The following CCDC7 variants were observed in gnomAD, a reference collection of about 807,000 sequenced individuals.
CCDC7 encodes coiled-coil domain-containing protein 7.
In CCDC7, 183 loss-of-function variants were observed where a neutral mutation model predicts 196.9. The ratio of observed to expected loss-of-function variants is 0.93; its 90% confidence interval spans 0.82 to 1.05. The LOEUF (loss-of-function observed/expected upper bound fraction) is 1.05. CCDC7 is among the 50% of genes least tolerant of loss of function. The pLI, the probability that CCDC7 is intolerant of heterozygous loss-of-function variation, is 0.00. For synonymous variants in CCDC7, 525 were observed against 484.6 expected (o/e 1.08, Z -1.10); for missense variants, 1,540 against 1,482.2 (o/e 1.04, Z -0.64).
intron 41 of CCDC7, among the ~76,000 whole-genome samples, chr10:32,860,778 A>G (rs1300476771): frequency 6.6e-6 from 1 of 152,176 alleles, no homozygotes; most frequent in African/African-American, 2.4e-5. Flanking sequence ...TAACAAACAG[A>G]GAGCCAAATC....
intron 8 of CCDC7, among the ~76,000 whole-genome samples, chr10:32,475,046 G>A (rs2038713244): frequency 6.6e-6 from 1 of 152,148 alleles, no homozygotes; most frequent in Admixed American, 6.5e-5. Flanking sequence ...GGGTAGAAAG[G>A]TATATAGAAC....
Position 32,724,361 on chromosome 10 carries a change from A to G in CCDC7, c.2570-2373A>G, listed in dbSNP as rs1234122115. Among the ~76,000 whole-genome samples, 5 of 152,208 alleles carry G rather than the reference A, an allele frequency of 3.3e-5. No individual in the cohort carries two copies. The East Asian group carries it at 9.7e-4, about 29-fold the overall frequency. On this transcript the variant is annotated intron_variant, in intron 25 of 41. Coordinates refer to ENST00000639629, the Ensembl canonical transcript of CCDC7. ...ACTGGTCAACTCTGCTCACTGCACC[A>G]CTTTGTCAGAGAGAGAGCTGCCAGT...
chr10:32,752,632 A>T (rs11009064), intron 28 of CCDC7, among the ~76,000 whole-genome samples: 21,063 of 152,176 alleles, frequency 0.14, 1,767 homozygotes, highest in East Asian at 0.25. Context: ...CTAGTACAAA[A>T]ATTGGGAAAA....
chr10:32,643,437 T>G (rs1247530457), intron 20 of CCDC7, among the ~76,000 whole-genome samples: 1 of 152,126 alleles, frequency 6.6e-6, no homozygotes, highest in Non-Finnish European at 1.5e-5. Context: ...TAGATTTTTT[T>G]TTGTTTACAA....
intron 28 of CCDC7, among the ~76,000 whole-genome samples, chr10:32,758,500 C>A (rs1186328833): frequency 6.6e-6 from 1 of 152,160 alleles, no homozygotes; most frequent in Non-Finnish European, 1.5e-5. Context: ...ACAAAAACCA[C>A]ATGATTATCT....
At chr10:32,862,386 G>A (rs1442691510) in intron 41 of CCDC7, among the ~76,000 whole-genome samples, 1 of 150,866 alleles carries the variant, frequency 6.6e-6, no homozygotes, top group Admixed American at 6.6e-5. Flanking sequence ...TGGACACAGG[G>A]AGGGGAACAT....
At chr10:32,624,554 G>C (rs2063763733) in intron 18 of CCDC7, among the ~76,000 whole-genome samples, 1 of 152,150 alleles carries the variant, frequency 6.6e-6, no homozygotes, top group African/African-American at 2.4e-5. Context: ...TAATATAACT[G>C]TTGTTTATGT....
At position 32,654,827 on chromosome 10, in the gene CCDC7, C is replaced by A. The variant is rs572126104; in HGVS notation, c.2015-9227C>A. 3.3e-4 allele frequency among the ~76,000 whole-genome samples: 51 copies of A among 152,288 alleles called. 1 individual carries two copies. Among genetic ancestry groups the A allele is most frequent in the African/African-American group, 1.2e-3 (50 of 41,554 alleles). On this transcript the variant is annotated intron_variant, in intron 20 of 41. Coordinates refer to ENST00000639629, the Ensembl canonical transcript of CCDC7. ...GCACAGCCCTACATATGTGTTTTGT[C>A]TATTAGATTCCCTGATACATGTTAG...
chr10:32,793,982 G>C (rs578103191), intron 29 of CCDC7, among the ~76,000 whole-genome samples: 24 of 152,066 alleles, frequency 1.6e-4, no homozygotes, highest in Non-Finnish European at 2.9e-4. Flanking sequence ...TTTATATTAG[G>C]TTCAGGGTAT....
intron 32 of CCDC7, 80 bp from the exon 34 acceptor site, chr10:32,834,734 AT>A: frequency 1.7e-6 from 1 of 586,858 alleles, no homozygotes; most frequent in Non-Finnish European, 3.1e-6. Flanking sequence ...ACATACAAAT[AT>A]ACTATCACAT....
At chr10:32,587,872 G>A (rs1359893729) in intron 18 of CCDC7, among the ~76,000 whole-genome samples, 1 of 152,106 alleles carries the variant, frequency 6.6e-6, no homozygotes, top group Non-Finnish European at 1.5e-5. Flanking sequence ...ATTGGATATT[G>A]TTATGGTTTG....
intron 8 of CCDC7, among the ~76,000 whole-genome samples, chr10:32,475,329 A>G (rs970692252): frequency 2.0e-5 from 3 of 152,172 alleles, no homozygotes; most frequent in African/African-American, 7.2e-5. Flanking sequence ...TTCCATATGT[A>G]CTGCATTCAC....
At chr10:32,469,417 A>G (rs1009302771) in intron 5 of CCDC7, among the ~76,000 whole-genome samples, 6 of 152,208 alleles carry the variant, frequency 3.9e-5, no homozygotes, top group Non-Finnish European at 8.8e-5. Flanking sequence ...ACTTCTGAAG[A>G]GGGAGCAGCT....
chr10:32,804,337 C>T (rs900933413), intron 29 of CCDC7, among the ~76,000 whole-genome samples: 3 of 152,086 alleles, frequency 2.0e-5, no homozygotes, highest in African/African-American at 7.2e-5. Context: ...TGGAAAAGTA[C>T]CCAATTTTAC....
chr10:32,667,522 A>T (rs976495492), intron 21 of CCDC7, among the ~76,000 whole-genome samples: 1 of 152,174 alleles, frequency 6.6e-6, no homozygotes, highest in Non-Finnish European at 1.5e-5. Flanking sequence ...TTAAGTCTTT[A>T]ATCCACGTGA....
At chr10:32,797,222 C>T (rs963683317) in intron 29 of CCDC7, among the ~76,000 whole-genome samples, 2 of 148,352 alleles carry the variant, frequency 1.3e-5, no homozygotes, top group Admixed American at 6.7e-5. Flanking sequence ...TACACACACA[C>T]ATATATATGT....
At chr10:32,656,252 G>T (rs1157002921) in intron 20 of CCDC7, among the ~76,000 whole-genome samples, 1 of 152,138 alleles carries the variant, frequency 6.6e-6, no homozygotes, top group Admixed American at 6.5e-5. Context: ...ACAGTCAAAA[G>T]AAATTAAATT....
chr10:32,471,196 A>G, exon 6 of CCDC7: 1 of 1,610,490 alleles, frequency 6.2e-7, no homozygotes, highest in South Asian at 1.1e-5. Context: ...ACAGAGGTCT[A>G]AATCCTCCGT....
At chr10:32,737,886 T>G (rs939756038) in intron 28 of CCDC7, among the ~76,000 whole-genome samples, 8 of 152,212 alleles carry the variant, frequency 5.3e-5, no homozygotes, top group Non-Finnish European at 1.2e-4. Flanking sequence ...ACTCTGTTAC[T>G]TTACTTTTAA....
Sources: allele counts gnomAD v4.1 joint callset (sites outside exome capture counted in the v4.1 genomes callset), GRCh38; gene constraint gnomAD v4.1.1; transcripts MANE v1.5; gene names NCBI Gene and HGNC (gene_info 2026-07-23, HGNC 2026-07-21).